KAZN: variants seen among roughly 807,000 people sequenced by gnomAD.
The protein encoded by KAZN is kazrin.
In KAZN, 40 loss-of-function variants were observed where a neutral mutation model predicts 87.4. The observed-to-expected ratio is 0.46, with a 90% CI of 0.36 to 0.60. The LOEUF (loss-of-function observed/expected upper bound fraction) is 0.60, where lower values mean the gene tolerates loss of function less well. Ranked by LOEUF, KAZN falls within the 20% of genes least tolerant of loss-of-function variation. KAZN has a pLI of 0.00. For missense variants in KAZN, 898 were observed against 1,073.9 expected (o/e 0.84, Z 2.29); for synonymous variants, 466 against 458.3 (o/e 1.02, Z -0.22).
At chr1:14,236,914 A>G (rs1199899434) in intron 2 of KAZN, among the ~76,000 whole-genome samples, 1 of 152,156 alleles carries the variant, frequency 6.6e-6, no homozygotes, top group East Asian at 1.9e-4. Flanking sequence ...ACGGAGCAAG[A>G]CCCTGTCCCC....
At chr1:14,536,045 G>A (rs187230281) in intron 2 of KAZN, among the ~76,000 whole-genome samples, 1 of 152,334 alleles carries the variant, frequency 6.6e-6, no homozygotes, top group Non-Finnish European at 1.5e-5. Flanking sequence ...AATTACTGGA[G>A]CAGGCTAGAG....
intron 1 of KAZN, among the ~76,000 whole-genome samples, chr1:14,836,609 G>A (rs928642108): frequency 6.6e-6 from 1 of 152,018 alleles, no homozygotes; most frequent in African/African-American, 2.4e-5. Flanking sequence ...CCTCTCTTGA[G>A]CATCCCCGAG....
intron 1 of KAZN, among the ~76,000 whole-genome samples, chr1:14,946,901 A>G (rs1249911554): frequency 6.6e-6 from 1 of 152,154 alleles, no homozygotes; most frequent in African/African-American, 2.4e-5. Flanking sequence ...ATTGTCTATA[A>G]TATGGAAATA....
chr1:14,764,244 G>C (rs1039716309), intron 1 of KAZN, among the ~76,000 whole-genome samples: 2 of 151,818 alleles, frequency 1.3e-5, no homozygotes, highest in African/African-American at 4.8e-5. Flanking sequence ...TTTCTGCTTC[G>C]GGCAACCTCC....
intron 1 of KAZN, among the ~76,000 whole-genome samples, chr1:14,809,631 AT>A (rs1250402639): frequency 6.6e-6 from 1 of 152,124 alleles, no homozygotes; most frequent in African/African-American, 2.4e-5. Context: ...CCAGAATCCT[AT>A]TTGGTTTGAT....
chr1:14,740,898 TC>T (rs1557442271), intron 1 of KAZN, among the ~76,000 whole-genome samples: 1 of 152,198 alleles, frequency 6.6e-6, no homozygotes, highest in African/African-American at 2.4e-5. Flanking sequence ...TTTTATCGTT[TC>T]CTGGGGAATG....
At chr1:14,444,390 G>T (rs903178477) in intron 2 of KAZN, among the ~76,000 whole-genome samples, 1 of 129,278 alleles carries the variant, frequency 7.7e-6, no homozygotes, top group African/African-American at 3.0e-5. Context: ...TTGGCTCACC[G>T]CAACCTCCAC....
At chr1:13,960,669 G>A (rs1003473139) in intron 1 of KAZN, among the ~76,000 whole-genome samples, 4 of 152,222 alleles carry the variant, frequency 2.6e-5, no homozygotes, top group Admixed American at 6.5e-5. Flanking sequence ...TATTTGCTAA[G>A]GCCTCATTCG....
chr1:15,052,330 G>A (rs1053110949), intron 4 of KAZN, among the ~76,000 whole-genome samples: 1 of 152,288 alleles, frequency 6.6e-6, no homozygotes, highest in South Asian at 2.1e-4. Flanking sequence ...GGTGGCAGGC[G>A]AGAGAGCATG....
chr1:14,354,530 G>A (rs369064324), intron 2 of KAZN, among the ~76,000 whole-genome samples: 103 of 152,146 alleles, frequency 6.8e-4, no homozygotes, highest in African/African-American at 2.3e-3. Context: ...CATAAAAGAC[G>A]TATAAATGAT....
intron 1 of KAZN, among the ~76,000 whole-genome samples, chr1:14,665,645 G>A (rs879638492): frequency 2.0e-4 from 31 of 152,116 alleles, no homozygotes; most frequent in Admixed American, 1.4e-3. Context: ...CAGTGTATCC[G>A]TTTCCCTGAT....
At chr1:14,448,908 G>A (rs1205612008) in intron 2 of KAZN, among the ~76,000 whole-genome samples, 1 of 152,202 alleles carries the variant, frequency 6.6e-6, no homozygotes, top group Non-Finnish European at 1.5e-5. Context: ...TTGAGAACTG[G>A]AGGAAGCTAG....
chr1:14,390,155 A>G (rs1662293864), intron 2 of KAZN, among the ~76,000 whole-genome samples: 1 of 152,252 alleles, frequency 6.6e-6, no homozygotes, highest in Admixed American at 6.5e-5. Context: ...ATCAAATTAT[A>G]GCAAATTTTA....
At chr1:14,331,571 T>C (rs891195109) in intron 2 of KAZN, among the ~76,000 whole-genome samples, 4 of 152,194 alleles carry the variant, frequency 2.6e-5, no homozygotes, top group Non-Finnish European at 4.4e-5. Flanking sequence ...GGTGTCAAAA[T>C]TGGGTTAATT....
chr1:15,030,242 C>T (rs565373664), intron 2 of KAZN, among the ~76,000 whole-genome samples: 1 of 152,238 alleles, frequency 6.6e-6, no homozygotes, highest in South Asian at 2.1e-4. Context: ...GACCGGGATG[C>T]ATCTTTATTT....
chr1:14,537,605 G>A (rs1015207210), intron 2 of KAZN, among the ~76,000 whole-genome samples: 3 of 152,112 alleles, frequency 2.0e-5, no homozygotes, highest in Non-Finnish European at 4.4e-5. Context: ...CCAAGCCTCA[G>A]TTCCTACAGT....
intron 2 of KAZN, among the ~76,000 whole-genome samples, chr1:14,369,492 G>A (rs930469915): frequency 3.3e-5 from 5 of 152,130 alleles, no homozygotes; most frequent in East Asian, 1.9e-4. Flanking sequence ...TTTGTGAAGC[G>A]GCTTCTCCAT....
intron 2 of KAZN, among the ~76,000 whole-genome samples, chr1:14,422,157 G>A (rs1459782420): frequency 1.3e-5 from 2 of 152,208 alleles, no homozygotes; most frequent in African/African-American, 4.8e-5. Context: ...TTTTACCTTT[G>A]TTATTTTAAA....
intron 1 of KAZN, among the ~76,000 whole-genome samples, chr1:14,078,941 C>A (rs1643567465): frequency 6.6e-6 from 1 of 152,236 alleles, no homozygotes; most frequent in African/African-American, 2.4e-5. Context: ...CCACCTCAGC[C>A]TCCCAAAGTG....
Sources: gnomAD v4.1 joint callset for allele counts (sites outside exome capture counted in the v4.1 genomes callset) on GRCh38, gnomAD v4.1.1 for gene constraint, MANE v1.5 for transcripts, NCBI Gene and HGNC (gene_info 2026-07-23, HGNC 2026-07-21) for gene names.